Variants in DPY19L2 observed in about 807,000 individuals in gnomAD.
The protein encoded by DPY19L2 is dpy-19 like 2, also known as probable C-mannosyltransferase DPY19L2.
A neutral mutation model predicts 97.9 loss-of-function variants in DPY19L2; 34 were observed. That is an observed-to-expected ratio of 0.35 (90% CI 0.26 to 0.46). The LOEUF is 0.46. Ranked by LOEUF, DPY19L2 falls within the 20% of genes least tolerant of loss-of-function variation. The pLI, the probability that DPY19L2 is intolerant of heterozygous loss-of-function variation, is 1.00. For missense variants in DPY19L2, 623 were observed against 911.4 expected, an observed-to-expected ratio of 0.68 and a Z score of 4.07; for synonymous variants, 230 against 307.9, an observed-to-expected ratio of 0.75 and a Z score of 2.65.
intron 19 of DPY19L2, among the ~76,000 whole-genome samples, chr12:63,576,737 GA>G (rs1879911524): frequency 3.3e-5 from 5 of 151,796 alleles, no homozygotes. Flanking sequence ...CCAAAGAAAT[GA>G]AAGATCTCTA....
chr12:63,587,813 C>T lies in DPY19L2; in HGVS notation c.1581-3977G>A, dbSNP rs556256975. Among the ~76,000 whole-genome samples, 30 of 152,094 alleles carry T rather than the reference C, an allele frequency of 2.0e-4. No individual in the cohort carries two copies. In the South Asian group the frequency reaches 5.0e-3, roughly 25 times the overall value. On this transcript the variant is annotated intron_variant, in intron 16 of 21. Coordinates refer to ENST00000324472, the MANE Select transcript of DPY19L2 (RefSeq NM_173812.5). ...GTCTCGATCTCCTGACCTCGTGATC[C>T]GCCCGCCTTGGCCTCCCAAAGTGCT...
intron 16 of DPY19L2, among the ~76,000 whole-genome samples, chr12:63,585,193 ACTGC>A (rs1881581170): frequency 6.6e-6 from 1 of 152,016 alleles, no homozygotes; most frequent in Non-Finnish European, 1.5e-5. Flanking sequence ...GAGGTAGGAG[ACTGC>A]CTATTTTATT....
intron 19 of DPY19L2, among the ~76,000 whole-genome samples, chr12:63,579,276 A>C (rs1258977194): frequency 2.6e-5 from 4 of 152,194 alleles, no homozygotes; most frequent in African/African-American, 9.6e-5. Context: ...GCTGGATTTA[A>C]GCTTTCACTT....
chr12:63,648,154 G>T (rs952680276), intron 4 of DPY19L2, among the ~76,000 whole-genome samples: 3 of 152,122 alleles, frequency 2.0e-5, no homozygotes, highest in African/African-American at 7.2e-5. Flanking sequence ...GCACCATCTT[G>T]GAAGCAGAGA....
chr12:63,600,648 G>T (rs1884995722), intron 12 of DPY19L2, among the ~76,000 whole-genome samples: 1 of 139,022 alleles, frequency 7.2e-6, no homozygotes. Flanking sequence ...AGGAGTGAAA[G>T]GTTAATAGCC....
intron 16 of DPY19L2, among the ~76,000 whole-genome samples, chr12:63,591,956 GAAA>G: frequency 1.0e-5 from 1 of 95,884 alleles, no homozygotes; most frequent in Non-Finnish European, 2.0e-5. Context: ...GAAAAGAAAA[GAAA>G]AGAAAAGAAA....
At chr12:63,569,403 G>C in intron 20 of DPY19L2, 54 bp from the exon 21 acceptor site, 1 of 1,331,624 alleles carries the variant, frequency 7.5e-7, no homozygotes. Context: ...TAATAGAATA[G>C]ACTAAAAAAA....
intron 15 of DPY19L2, among the ~76,000 whole-genome samples, chr12:63,595,104 T>A (rs1883987709): frequency 2.0e-5 from 3 of 152,304 alleles, no homozygotes; most frequent in Admixed American, 2.0e-4. Context: ...TACTCACATC[T>A]CTGTGTAAAC....
chr12:63,667,880 ATC>A (rs911051901), intron 1 of DPY19L2, among the ~76,000 whole-genome samples, 175 bp downstream of exon 1: 2 of 151,286 alleles, frequency 1.3e-5, no homozygotes, highest in African/African-American at 4.9e-5. Flanking sequence ...TATACTCCCT[ATC>A]TCTCTCTCTC....
At chr12:63,661,124 T>C in intron 4 of DPY19L2, 1 of 330,700 alleles carries the variant, frequency 3.0e-6, no homozygotes, top group Non-Finnish European at 5.3e-6. Flanking sequence ...CTGGCCATTA[T>C]TTACACACTA....
chr12:63,589,883 C>A (rs149562882), intron 16 of DPY19L2, among the ~76,000 whole-genome samples: 160 of 152,250 alleles, frequency 1.1e-3, no homozygotes, highest in Non-Finnish European at 1.8e-3. Context: ...AATCCCAGCA[C>A]TTTGGCAGGC....
intron 11 of DPY19L2, among the ~76,000 whole-genome samples, chr12:63,616,165 C>CCT (rs2137742255): frequency 6.6e-6 from 1 of 151,700 alleles, no homozygotes; most frequent in African/African-American, 2.4e-5. Flanking sequence ...GGAATCAATC[C>CCT]CTGCAGACAC....
chr12:63,583,184 C>T (rs1440983590), intron 17 of DPY19L2, among the ~76,000 whole-genome samples: 2 of 152,128 alleles, frequency 1.3e-5, no homozygotes, highest in African/African-American at 2.4e-5. Flanking sequence ...GGATACTCAA[C>T]ATGTGTCATA....
chr12:63,629,601 G>A (rs1376944655), intron 6 of DPY19L2, among the ~76,000 whole-genome samples: 4 of 152,186 alleles, frequency 2.6e-5, no homozygotes, highest in African/African-American at 7.2e-5. Flanking sequence ...TGGTGTACCT[G>A]AAAGTGATGG....
Position 63,665,435 on chromosome 12 carries a change from T to G in DPY19L2, c.362+400A>C, listed in dbSNP as rs572159576. On this transcript the variant is annotated intron_variant, in intron 2 of 21. Coordinates refer to ENST00000324472, the MANE Select transcript of DPY19L2 (RefSeq NM_173812.5). ...TTGCAGTGAGTCAAGATCACGCCAC[T>G]GCACTCTAGCCTGGGAGACAGAGCA... 2.9e-4 allele frequency among the ~76,000 whole-genome samples: 44 copies of G among 150,164 alleles called. No individual in the cohort carries two copies. The East Asian group carries it at 8.7e-3, about 30-fold the overall frequency.
intron 21 of DPY19L2, among the ~76,000 whole-genome samples, chr12:63,562,682 T>C (rs1048857437): frequency 3.3e-5 from 5 of 152,156 alleles, no homozygotes; most frequent in African/African-American, 1.2e-4. Context: ...TTTTCAATTA[T>C]AGCTATTTTA....
At chr12:63,628,719 T>C (rs1242602314) in intron 6 of DPY19L2, among the ~76,000 whole-genome samples, 1 of 151,454 alleles carries the variant, frequency 6.6e-6, no homozygotes, top group Non-Finnish European at 1.5e-5. Flanking sequence ...AAGAGACTAG[T>C]GGTTCTCCCA....
chr12:63,587,205 A>G (rs1474307847), intron 16 of DPY19L2, among the ~76,000 whole-genome samples: 1 of 152,158 alleles, frequency 6.6e-6, no homozygotes, highest in African/African-American at 2.4e-5. Context: ...CTTTATAATA[A>G]AAGTACAATC....
At chr12:63,627,321 C>T (rs1249729969) in intron 6 of DPY19L2, among the ~76,000 whole-genome samples, 2 of 151,960 alleles carry the variant, frequency 1.3e-5, no homozygotes, top group Admixed American at 6.6e-5. Context: ...AAGATAAAAA[C>T]CATTTCTTTT....
Sources: gnomAD v4.1 joint callset for allele counts (sites outside exome capture counted in the v4.1 genomes callset) on GRCh38, gnomAD v4.1.1 for gene constraint, MANE v1.5 for transcripts, NCBI Gene and HGNC (gene_info 2026-07-23, HGNC 2026-07-21) for gene names.